The following EXOC6B variants were observed in gnomAD, a reference collection of about 807,000 sequenced individuals.
The protein encoded by EXOC6B is SEC15 homolog B.
Under a neutral mutation model 113.5 loss-of-function variants are expected in EXOC6B, and 54 were observed. The ratio of observed to expected loss-of-function variants is 0.48; its 90% CI spans 0.38 to 0.60. EXOC6B has a LOEUF of 0.60. Among genes scored for constraint, EXOC6B ranks in the 20% least tolerant of loss-of-function variants. The pLI, the probability that EXOC6B is intolerant of heterozygous loss-of-function variation, is 0.00. For synonymous variants in EXOC6B, 357 were observed against 339.0 expected (o/e 1.05, Z -0.58); for missense variants, 797 against 977.5 (o/e 0.82, Z 2.46).
At chr2:72,694,793 A>T (rs1677749279) in intron 6 of EXOC6B, among the ~76,000 whole-genome samples, 1 of 152,230 alleles carries the variant, frequency 6.6e-6, no homozygotes, top group Non-Finnish European at 1.5e-5. Context: ...TTGCTAAGAT[A>T]GACAGGTTTC....
At chr2:72,182,789 C>A in intron 21 of EXOC6B, 1 of 806,522 alleles carries the variant, frequency 1.2e-6, no homozygotes, top group Non-Finnish European at 1.7e-6. Flanking sequence ...AGGGCGGGGA[C>A]AACTCAGAGG....
intron 6 of EXOC6B, among the ~76,000 whole-genome samples, chr2:72,658,007 AATATAT>A (rs201592898): frequency 6.7e-6 from 1 of 149,352 alleles, no homozygotes; most frequent in African/African-American, 2.4e-5. Flanking sequence ...AATTTGAAGA[AATATAT>A]ATATATATAA....
At chr2:72,335,550 A>G (rs371021664) in intron 19 of EXOC6B, among the ~76,000 whole-genome samples, 20 of 1,042 alleles carry the variant, frequency 0.019, no homozygotes, top group African/African-American at 0.028. Context: ...GCATTATTGC[A>G]CACACACACA....
intron 20 of EXOC6B, among the ~76,000 whole-genome samples, chr2:72,224,667 T>G (rs552621398): frequency 6.6e-6 from 1 of 152,186 alleles, no homozygotes; most frequent in East Asian, 1.9e-4. Context: ...TCTCGCTCTG[T>G]TGCCCAGGCT....
In EXOC6B at chr2:72,546,219, T is replaced by C. The variant is rs181257817; in HGVS notation, c.915+13234A>G. Among the ~76,000 whole-genome samples, 752 of 152,170 alleles carry C rather than the reference T, an allele frequency of 4.9e-3. 11 individuals carry two copies. Among genetic ancestry groups the C allele is most frequent in the African/African-American group, 0.017 (697 of 41,518 alleles). On this transcript the variant is annotated intron_variant, in intron 8 of 21. Coordinates refer to ENST00000272427, the MANE Select transcript of EXOC6B (RefSeq NM_015189.3). ...ATCCCAGCACTTTGGGAGGCCGAGG[T>C]GGGCGGATCACCTGAAATCAAGAGT...
rs144952217 is a variant in EXOC6B, at chr2:72,638,638, G to T, written c.670-62970C>A. ...CAAGGAGCAACCTGTTCTCATCATGGGTCTCTGGAACCCCGGCAGGAGGAG... is the reference window on the plus strand; with the variant it reads ...CAAGGAGCAACCTGTTCTCATCATGTGTCTCTGGAACCCCGGCAGGAGGAG... On this transcript the variant is annotated intron_variant, in intron 6 of 21. Transcript: ENST00000272427. Among the ~76,000 whole-genome samples, 127 of 152,264 alleles carry T rather than the reference G, an allele frequency of 8.3e-4. No homozygotes were observed. In the East Asian group the frequency reaches 9.9e-3, roughly 12 times the overall value.
chr2:72,823,150 T>TAAA (rs778304758), intron 1 of EXOC6B, among the ~76,000 whole-genome samples: 4 of 73,816 alleles, frequency 5.4e-5, no homozygotes, highest in African/African-American at 9.6e-5. Flanking sequence ...TGTAATCTGC[T>TAAA]AAAAAAAAAA....
chr2:72,231,130 A>C (rs1467478470), intron 20 of EXOC6B, among the ~76,000 whole-genome samples: 1 of 152,140 alleles, frequency 6.6e-6, no homozygotes, highest in East Asian at 1.9e-4. Context: ...AACTTTCCCA[A>C]CTTCCTATTA....
chr2:72,535,241 T>C (rs1302766357), intron 8 of EXOC6B, among the ~76,000 whole-genome samples: 1 of 152,180 alleles, frequency 6.6e-6, no homozygotes, highest in African/African-American at 2.4e-5. Flanking sequence ...TGCTACTTGG[T>C]TTGAAACCCA....
At position 72,596,946 on chromosome 2, in the gene EXOC6B, AAT is replaced by A. The variant is rs570043771; in HGVS notation, c.670-21280_670-21279del. Among the ~76,000 whole-genome samples the A allele has an allele frequency of 2.7e-3, 405 of 151,478 alleles. 2 individuals are homozygous for A. Among genetic ancestry groups the A allele is most frequent in the Non-Finnish European group, 4.8e-3 (328 of 67,698 alleles). The stretch of plus-strand genomic sequence containing the variant: ...TAAAATCCTATTTATCTCAGATCTT[AAT>A]ATCTAATGCATCATGTCTATCAGAG... On this transcript the variant is annotated intron_variant, in intron 6 of 21. Transcript: ENST00000272427.
chr2:72,255,130 A>G (rs771500867), intron 20 of EXOC6B, among the ~76,000 whole-genome samples: 1 of 152,184 alleles, frequency 6.6e-6, no homozygotes, highest in Non-Finnish European at 1.5e-5. Flanking sequence ...CAACCATCTC[A>G]GCAGAAGCCA....
At chr2:72,444,585 A>G (rs1256817344) in intron 18 of EXOC6B, among the ~76,000 whole-genome samples, 1 of 152,158 alleles carries the variant, frequency 6.6e-6, no homozygotes, top group Non-Finnish European at 1.5e-5. Context: ...ATTTCTATAC[A>G]TCCTCTGATA....
At chr2:72,212,747 T>A (rs931479354) in intron 20 of EXOC6B, among the ~76,000 whole-genome samples, 1 of 152,144 alleles carries the variant, frequency 6.6e-6, no homozygotes, top group East Asian at 1.9e-4. Context: ...CACTATAAAG[T>A]GAACAAAAAA....
chr2:72,231,386 A>C (rs1296811329), intron 20 of EXOC6B, among the ~76,000 whole-genome samples: 1 of 152,224 alleles, frequency 6.6e-6, no homozygotes, highest in African/African-American at 2.4e-5. Context: ...AGTAAAGAAG[A>C]AAATGGGGGT....
chr2:72,246,067 T>C (rs936066748), intron 20 of EXOC6B, among the ~76,000 whole-genome samples: 7 of 152,224 alleles, frequency 4.6e-5, no homozygotes, highest in African/African-American at 1.7e-4. Context: ...TTTACTTTTT[T>C]ACATAGGGAC....
chr2:72,383,573 T>A (rs531592373), intron 18 of EXOC6B, among the ~76,000 whole-genome samples: 1 of 152,176 alleles, frequency 6.6e-6, no homozygotes, highest in East Asian at 1.9e-4. Flanking sequence ...GTTCAGCCAT[T>A]GTGGAAAGCA....
intron 6 of EXOC6B, among the ~76,000 whole-genome samples, chr2:72,644,085 T>C (rs1003169436): frequency 3.3e-5 from 5 of 151,888 alleles, no homozygotes; most frequent in Non-Finnish European, 7.4e-5. Context: ...GAATAAACAG[T>C]GTAGAGAAAA....
chr2:72,714,211 T>C lies in EXOC6B; in HGVS notation c.669+3892A>G, dbSNP rs551347312. Among the ~76,000 whole-genome samples, 343 of 152,298 alleles carry C rather than the reference T, an allele frequency of 2.3e-3. 1 individual carries two copies. The highest frequency in any genetic ancestry group is 7.7e-3 in the African/African-American group (320 of 41,552). On this transcript the variant is annotated intron_variant, in intron 6 of 21. Transcript: ENST00000272427. ...TATTTAATGAATACAGAAACAGGTG[T>C]TGGAAATATGGTGTTGCCCCCAACA...
intron 6 of EXOC6B, among the ~76,000 whole-genome samples, chr2:72,580,915 C>T (rs569370207): frequency 6.6e-6 from 1 of 152,342 alleles, no homozygotes; most frequent in South Asian, 2.1e-4. Flanking sequence ...GATTAAGCAA[C>T]CAGACTGCCC....
Sources: gnomAD v4.1 joint callset for allele counts (sites outside exome capture counted in the v4.1 genomes callset) on GRCh38, gnomAD v4.1.1 for gene constraint, MANE v1.5 for transcripts, NCBI Gene and HGNC (gene_info 2026-07-23, HGNC 2026-07-21) for gene names.